PEBP4: variants seen among roughly 807,000 people sequenced by gnomAD.
The protein encoded by PEBP4 is phosphatidylethanolamine binding protein 4.
PEBP4 carries 22 observed loss-of-function variants against 23.9 expected under a neutral mutation model. The observed-to-expected ratio is 0.92, with a 90% CI of 0.66 to 1.31. The LOEUF is 1.31. Among genes scored for constraint, PEBP4 ranks in the 40% most tolerant of loss-of-function variants. PEBP4 has a pLI of 0.00. For missense variants in PEBP4, 324 were observed against 281.7 expected (o/e 1.15, Z -1.07); for synonymous variants, 112 against 99.3 (o/e 1.13, Z -0.76).
At chr8:22,916,005 C>A (rs1477066103) in intron 3 of PEBP4, among the ~76,000 whole-genome samples, 2 of 152,162 alleles carry the variant, frequency 1.3e-5, no homozygotes, top group Non-Finnish European at 2.9e-5. Context: ...TGGGAGGCTG[C>A]GGCTAGAGGC....
intron 3 of PEBP4, among the ~76,000 whole-genome samples, chr8:22,875,664 T>C (rs1563245511): frequency 2.6e-5 from 4 of 152,128 alleles, no homozygotes; most frequent in Admixed American, 1.3e-4. Context: ...AGCTGGGAAT[T>C]ATTAGCGTCC....
chr8:22,805,152 C>T (rs761994869), intron 4 of PEBP4, among the ~76,000 whole-genome samples: 25 of 152,124 alleles, frequency 1.6e-4, no homozygotes, highest in Non-Finnish European at 3.1e-4. Context: ...CAGGTCAGCA[C>T]GGAGGACTTT....
intron 3 of PEBP4, among the ~76,000 whole-genome samples, chr8:22,892,995 G>A (rs373559344): frequency 6.6e-6 from 1 of 152,202 alleles, no homozygotes; most frequent in Non-Finnish European, 1.5e-5. Flanking sequence ...GCTGTGCGGG[G>A]AGAGAACTGT....
Position 22,865,364 on chromosome 8 carries a change from ACGGTGGCGGTGG to A in PEBP4, c.259-47641_259-47630del, listed in dbSNP as rs36234109. 6.5e-4 allele frequency among the ~76,000 whole-genome samples: 98 copies of A among 151,464 alleles called. No homozygotes were observed. Among genetic ancestry groups the A allele is most frequent in the Admixed American group, 2.0e-3 (30 of 15,244 alleles). On this transcript the variant is annotated intron_variant, in intron 3 of 6. Transcript: ENST00000256404. The surrounding 1 kb of genome is among the most constrained non-coding windows in gnomAD (Gnocchi z 6.9). The stretch of plus-strand genomic sequence containing the variant: ...TCCCGCTGCCCACCCACGGGCGGTG[ACGGTGGCGGTGG>A]CGGTGGCGGCGGCGGGACCCCGGGC...
intron 6 of PEBP4, among the ~76,000 whole-genome samples, chr8:22,716,448 T>G (rs776911998): frequency 2.1e-4 from 32 of 152,166 alleles, no homozygotes; most frequent in Non-Finnish European, 3.5e-4. Flanking sequence ...GTGCCTGGCC[T>G]CCTATTAGGC....
At chr8:22,733,580 T>A (rs1293909856) in intron 4 of PEBP4, among the ~76,000 whole-genome samples, 1 of 152,050 alleles carries the variant, frequency 6.6e-6, no homozygotes, top group Non-Finnish European at 1.5e-5. Flanking sequence ...CCTGGGTGTT[T>A]GTGAAGGCCC....
At chr8:22,804,489 T>C (rs1175971375) in intron 4 of PEBP4, among the ~76,000 whole-genome samples, 2 of 152,142 alleles carry the variant, frequency 1.3e-5, no homozygotes, top group South Asian at 4.1e-4. Context: ...TTTTTTATTA[T>C]GATGAGGTCA....
At chr8:22,883,676 T>C (rs1808311736) in intron 3 of PEBP4, among the ~76,000 whole-genome samples, 1 of 152,192 alleles carries the variant, frequency 6.6e-6, no homozygotes. Flanking sequence ...GTGGACAGCC[T>C]CACATTTGGT....
intron 4 of PEBP4, among the ~76,000 whole-genome samples, chr8:22,797,366 G>T (rs906244204): frequency 1.3e-5 from 2 of 151,868 alleles, no homozygotes; most frequent in Non-Finnish European, 2.9e-5. Flanking sequence ...AGGGGCCGAG[G>T]TGATCATGCA....
At chr8:22,816,198 G>A (rs968591516) in intron 4 of PEBP4, among the ~76,000 whole-genome samples, 1 of 152,216 alleles carries the variant, frequency 6.6e-6, no homozygotes. Context: ...CCCTTTGTGT[G>A]TTTATGGTGT....
chr8:22,835,214 C>T (rs1314223897), intron 3 of PEBP4, among the ~76,000 whole-genome samples: 1 of 152,172 alleles, frequency 6.6e-6, no homozygotes, highest in Non-Finnish European at 1.5e-5. Context: ...ACCTGTCTCA[C>T]ACAGCAGGGC....
chr8:22,936,939 A>T (rs192192438), intron 1 of PEBP4, among the ~76,000 whole-genome samples: 1 of 152,332 alleles, frequency 6.6e-6, no homozygotes, highest in Admixed American at 6.5e-5. Context: ...GAAGGGAAAG[A>T]AGCTTCCTCG....
intron 4 of PEBP4, among the ~76,000 whole-genome samples, chr8:22,753,375 C>T (rs17088616): frequency 0.14 from 20,792 of 152,088 alleles, 1,626 homozygotes; most frequent in Admixed American, 0.2. Flanking sequence ...AACTGGGGGC[C>T]GCATGAACTT....
chr8:22,860,493 G>A (rs560246047), intron 3 of PEBP4, among the ~76,000 whole-genome samples: 48 of 152,084 alleles, frequency 3.2e-4, no homozygotes, highest in Admixed American at 2.4e-3. Context: ...CTGTCTTTTT[G>A]TGACTGGCTT....
chr8:22,894,939 C>A (rs537828374), intron 3 of PEBP4, among the ~76,000 whole-genome samples: 1 of 152,130 alleles, frequency 6.6e-6, no homozygotes, highest in African/African-American at 2.4e-5. Context: ...TCCCTGAGGT[C>A]GACACTTACC....
intron 3 of PEBP4, among the ~76,000 whole-genome samples, chr8:22,911,002 T>TG (rs1433027217): frequency 6.6e-6 from 1 of 151,078 alleles, no homozygotes. Flanking sequence ...ACCGCTCTGG[T>TG]GGGGGGAGCT....
chr8:22,761,716 C>T (rs998076327), intron 4 of PEBP4, among the ~76,000 whole-genome samples: 4 of 152,136 alleles, frequency 2.6e-5, no homozygotes, highest in African/African-American at 9.7e-5. Flanking sequence ...GAGAGAACAG[C>T]CAAGGAATAC....
At chr8:22,890,906 C>T (rs1295082066) in intron 3 of PEBP4, among the ~76,000 whole-genome samples, 1 of 152,204 alleles carries the variant, frequency 6.6e-6, no homozygotes, top group Admixed American at 6.5e-5. Context: ...CAGCTCACTG[C>T]AACTTCTGCC....
chr8:22,724,712 C>A (rs926515720), intron 6 of PEBP4, 131 bp downstream of exon 6: 3 of 679,142 alleles, frequency 4.4e-6, no homozygotes, highest in Non-Finnish European at 7.7e-6. Flanking sequence ...CCAAGAAACA[C>A]CAGCCTTCGA....
Sources: allele counts gnomAD v4.1 joint callset (sites outside exome capture counted in the v4.1 genomes callset), GRCh38; gene constraint gnomAD v4.1.1; non-coding constraint Gnocchi (gnomAD v3.1); transcripts MANE v1.5; gene names NCBI Gene and HGNC (gene_info 2026-07-23, HGNC 2026-07-21).